ITIH5: variants seen among roughly 807,000 people sequenced by gnomAD.
ITIH5 encodes inter-alpha-trypsin inhibitor heavy chain 5.
ITIH5 carries 65 observed loss-of-function variants against 77.5 expected under a neutral mutation model. The ratio of observed to expected loss-of-function variants is 0.84; its 90% confidence interval spans 0.69 to 1.03. The LOEUF is 1.03. Ranked by LOEUF, ITIH5 falls within the 50% of genes least tolerant of loss-of-function variation. The pLI, the probability that ITIH5 is intolerant of heterozygous loss-of-function variation, is 0.00. For missense variants in ITIH5, 1,208 were observed against 1,213.1 expected, an observed-to-expected ratio of 1.00 and a Z score of 0.06; for synonymous variants, 525 against 494.3, an observed-to-expected ratio of 1.06 and a Z score of -0.82.
At chr10:7,572,358 G>A in intron 11 of ITIH5, 3 of 1,367,250 alleles carry the variant, frequency 2.2e-6, no homozygotes, top group Non-Finnish European at 2.9e-6. Context: ...GAAATTTCAT[G>A]ACATTTGAAA....
intron 5 of ITIH5, chr10:7,621,761 G>C (rs1183476996): frequency 6.6e-6 from 1 of 152,140 alleles, no homozygotes; most frequent in Non-Finnish European, 1.5e-5. Context: ...TCCCAGAGCA[G>C]AAGAACATGA....
intron 5 of ITIH5, among the ~76,000 whole-genome samples, chr10:7,634,953 C>A (rs1365457854): frequency 6.6e-6 from 1 of 152,094 alleles, no homozygotes; most frequent in Non-Finnish European, 1.5e-5. Context: ...GTTTGCTTTT[C>A]TTTTTATTTA....
chr10:7,587,792 T>C (rs1019413861), intron 7 of ITIH5, among the ~76,000 whole-genome samples: 1 of 152,110 alleles, frequency 6.6e-6, no homozygotes, highest in Non-Finnish European at 1.5e-5. Context: ...CAGAAGGACA[T>C]GTGCTAAGTG....
At chr10:7,596,476 C>T (rs569764559) in intron 7 of ITIH5, among the ~76,000 whole-genome samples, 1 of 152,166 alleles carries the variant, frequency 6.6e-6, no homozygotes, top group African/African-American at 2.4e-5. Flanking sequence ...TGGGAACTAA[C>T]CCTGACACAA....
rs148944686 is a variant in ITIH5 at position 7,562,928 on chromosome 10, CCAGA to C, written c.*151_*154del. ...GCCCCTACCCACCCCTACCCTTCGC[CCAGA>C]CAGACGTCGGATCTATGCTGCACCA... On this transcript the variant is annotated 3_prime_UTR_variant, in exon 14 of 14. Coordinates refer to ENST00000397146, the MANE Select transcript of ITIH5 (RefSeq NM_030569.7). The C allele has an allele frequency of 3.2e-4, 222 of 692,918 alleles. No homozygotes were observed. The highest frequency in any genetic ancestry group is 2.3e-3 in the African/African-American group (133 of 56,604). 42.9% of individuals were successfully genotyped at this position (692,918 alleles called of 1,614,324 possible). A position where few individuals can be genotyped will look rare whatever the true frequency, so the allele number is the denominator to read the frequency against.
intron 8 of ITIH5, among the ~76,000 whole-genome samples, chr10:7,582,345 T>C (rs1832583103): frequency 6.6e-6 from 1 of 152,154 alleles, no homozygotes; most frequent in Non-Finnish European, 1.5e-5. Context: ...AAACCCCAGC[T>C]ACAGTGAGGT....
At chr10:7,649,509 GAT>G (rs1834061288) in intron 2 of ITIH5, among the ~76,000 whole-genome samples, 1 of 117,372 alleles carries the variant, frequency 8.5e-6, no homozygotes, top group South Asian at 3.2e-4. Flanking sequence ...TAGATGGATA[GAT>G]AGATAGATGG....
At chr10:7,643,533 G>A (rs757596232) in intron 2 of ITIH5, among the ~76,000 whole-genome samples, 3 of 152,120 alleles carry the variant, frequency 2.0e-5, no homozygotes, top group Non-Finnish European at 2.9e-5. Context: ...CTGCAGACAC[G>A]TCCTGCTCAT....
chr10:7,584,455 C>T (rs1245718002), intron 8 of ITIH5, among the ~76,000 whole-genome samples: 1 of 152,040 alleles, frequency 6.6e-6, no homozygotes, highest in African/African-American at 2.4e-5. Flanking sequence ...AGGCACCCGC[C>T]ACCACACCCG....
At chr10:7,615,685 G>A (rs928267675) in intron 7 of ITIH5, among the ~76,000 whole-genome samples, 4 of 152,186 alleles carry the variant, frequency 2.6e-5, no homozygotes, top group African/African-American at 9.7e-5. Context: ...ATCAATGATA[G>A]TGCTGAGGAC....
chr10:7,566,342 T>C lies in ITIH5; in HGVS notation c.2215A>G (p.Thr739Ala). Reference sequence around the variant, plus strand: ...AGGATGGTGATAGTGCGCAAGTAAGTGCGCTGTTTCTTGTGGCCATTTGGA... The same window carrying C: ...AGGATGGTGATAGTGCGCAAGTAAGCGCGCTGTTTCTTGTGGCCATTTGGA... ...APPNGHKKQR[T>A]YLRTITILIN... Residue 739 changes from threonine (T) to alanine (A), a missense_variant, in exon 13 of 14, where the codon ACT becomes GCT. Physicochemically the swap from Thr to Ala is moderately conservative, Grantham distance 58. Coordinates refer to ENST00000397146, the MANE Select transcript of ITIH5 (RefSeq NM_030569.7). 6.2e-7 allele frequency: 1 copy of C among 1,609,470 alleles called. No individual in the cohort carries two copies. The highest frequency in any genetic ancestry group is 1.1e-5 in the South Asian group (1 of 90,984).
chr10:7,559,742 A>G lies in ITIH5; in HGVS notation c.*3341T>C. The G allele has an allele frequency of 2.2e-6, 1 of 444,500 alleles. No individual in the cohort carries two copies. The highest frequency in any genetic ancestry group is 4.5e-6 in the Non-Finnish European group (1 of 222,788). The allele number at this position is 444,500 out of a possible 1,614,324, so 27.5% of individuals were successfully genotyped here. On this transcript the variant is annotated 3_prime_UTR_variant, in exon 14 of 14. Transcript: ENST00000397146. Reference sequence around the variant, plus strand: ...GGAGGTCCAAGATCAAGGTGCCAGCAGACATGGTGTCTGGTGAGGGCCGTC... The same window carrying G: ...GGAGGTCCAAGATCAAGGTGCCAGCGGACATGGTGTCTGGTGAGGGCCGTC...
At chr10:7,609,739 A>C (rs1320888891) in intron 7 of ITIH5, among the ~76,000 whole-genome samples, 1 of 152,210 alleles carries the variant, frequency 6.6e-6, no homozygotes, top group Non-Finnish European at 1.5e-5. Context: ...GCACAGAGGG[A>C]CACAGAGTGT....
chr10:7,650,564 G>A (rs184675343), intron 2 of ITIH5, among the ~76,000 whole-genome samples: 10 of 152,006 alleles, frequency 6.6e-5, no homozygotes, highest in East Asian at 3.9e-4. Flanking sequence ...GTGAAACCCC[G>A]TCTCTATTAA....
At chr10:7,565,890 A>C in intron 13 of ITIH5, 140 bp downstream of exon 13, 1 of 1,079,364 alleles carries the variant, frequency 9.3e-7, no homozygotes, top group East Asian at 2.4e-5. Context: ...ACATACATAC[A>C]TATGCGGACT....
At chr10:7,567,319 T>TTTTATTATTA (rs71515477) in intron 12 of ITIH5, among the ~76,000 whole-genome samples, 1 of 139,498 alleles carries the variant, frequency 7.2e-6, no homozygotes, top group Non-Finnish European at 1.5e-5. Context: ...TCGGACATCT[T>TTTTATTATTA]TTATTATTAT....
intron 2 of ITIH5, among the ~76,000 whole-genome samples, chr10:7,648,695 G>A (rs1036910941): frequency 7.2e-5 from 11 of 152,070 alleles, no homozygotes; most frequent in African/African-American, 2.4e-4. Flanking sequence ...GTATGCTTGA[G>A]AATATTTTTA....
intron 2 of ITIH5, among the ~76,000 whole-genome samples, chr10:7,648,767 G>T (rs1834045995): frequency 6.6e-6 from 1 of 152,054 alleles, no homozygotes; most frequent in African/African-American, 2.4e-5. Context: ...TTTAAAATGT[G>T]AAAACTAGAA....
chr10:7,645,687 C>T (rs1833999416), intron 2 of ITIH5, among the ~76,000 whole-genome samples: 1 of 152,186 alleles, frequency 6.6e-6, no homozygotes, highest in Non-Finnish European at 1.5e-5. Flanking sequence ...AATTGAGAAG[C>T]TGTATTATAC....
Sources: gnomAD v4.1 joint callset for allele counts (sites outside exome capture counted in the v4.1 genomes callset) on GRCh38, gnomAD v4.1.1 for gene constraint, MANE v1.5 for transcripts, NCBI Gene and HGNC (gene_info 2026-07-23, HGNC 2026-07-21) for gene names.